Variants in MCCC1 observed in about 807,000 individuals in gnomAD.
MCCC1 encodes methylcrotonyl-CoA carboxylase subunit 1, also known as methylcrotonoyl-CoA carboxylase subunit alpha, mitochondrial.
A neutral mutation model predicts 83.8 loss-of-function variants in MCCC1; 64 were observed. The observed-to-expected ratio is 0.76, with a 90% CI of 0.62 to 0.94. The LOEUF is 0.94. Ranked by LOEUF, MCCC1 falls within the 40% of genes least tolerant of loss-of-function variation. The pLI, the probability that MCCC1 is intolerant of heterozygous loss-of-function variation, is 0.00. For synonymous variants in MCCC1, 322 were observed against 315.4 expected (o/e 1.02, Z -0.22); for missense variants, 807 against 904.7 (o/e 0.89, Z 1.39).
chr3:183,078,227 C>T (rs1717225180), intron 4 of MCCC1, among the ~76,000 whole-genome samples: 1 of 152,112 alleles, frequency 6.6e-6, no homozygotes, highest in African/African-American at 2.4e-5. Flanking sequence ...ACCATGTTGG[C>T]CAGGCTGGTC....
intron 1 of MCCC1, among the ~76,000 whole-genome samples, chr3:183,108,815 G>T (rs1441247644): frequency 6.6e-6 from 1 of 152,154 alleles, no homozygotes; most frequent in Non-Finnish European, 1.5e-5. Flanking sequence ...GTGTAGAACA[G>T]CCCCAGTAGC....
chr3:183,022,635 A>G (rs571330107), intron 15 of MCCC1, 81 bp from the exon 16 acceptor site: 1 of 1,220,276 alleles, frequency 8.2e-7, no homozygotes, highest in South Asian at 1.4e-5. Flanking sequence ...ATTCTTCACT[A>G]TTGGTAGTTT....
Position 183,032,690 on chromosome 3 carries a change from T to C in MCCC1, c.1681+1301A>G, listed in dbSNP as rs539299126. Among the ~76,000 whole-genome samples, 6 of 152,112 alleles carry C rather than the reference T, an allele frequency of 3.9e-5. No individual in the cohort carries two copies. The East Asian group carries it at 7.8e-4, about 20-fold the overall frequency. ...GAGATCGAGACTATCCTGGCTAAAA[T>C]GGTGAAACCCTGTCTCTACTAAAAA... On this transcript the variant is annotated intron_variant, in intron 14 of 18. Transcript: ENST00000265594.
intron 14 of MCCC1, chr3:183,029,228 A>G (rs953405753): frequency 6.6e-6 from 1 of 152,172 alleles, no homozygotes; most frequent in African/African-American, 2.4e-5. Context: ...GTCAAAATCA[A>G]TTTGTCTGCT....
chr3:183,023,274 T>C (rs191424151), intron 15 of MCCC1, among the ~76,000 whole-genome samples: 32 of 152,236 alleles, frequency 2.1e-4, no homozygotes, highest in Non-Finnish European at 3.7e-4. Flanking sequence ...GTCACATGGC[T>C]ATTCTTTTCA....
chr3:183,102,105 C>T (rs535060337), upstream of MCCC1, among the ~76,000 whole-genome samples: 165 of 152,272 alleles, frequency 1.1e-3, no homozygotes, highest in Middle Eastern at 3.4e-3. Context: ...ATTTCGGACA[C>T]GCCATCACTT....
chr3:183,100,799 T>G (rs911866305), upstream of MCCC1, among the ~76,000 whole-genome samples: 4 of 152,290 alleles, frequency 2.6e-5, no homozygotes, highest in South Asian at 2.1e-4. Flanking sequence ...TTTGGTGGCA[T>G]TTGAGGAGCC....
rs1209055867 is a variant in MCCC1 at position 183,064,678 on chromosome 3, C to G, written c.761+6321G>C. 6.6e-6 allele frequency among the ~76,000 whole-genome samples: 1 copy of G among 152,228 alleles called. No individual in the cohort carries two copies. Among genetic ancestry groups the G allele is most frequent in the African/African-American group, 2.4e-5 (1 of 41,470 alleles). ...CCGGCGGCCACACTGCCTCGGCCGA[C>G]CCACGTCCTGGCATGGCTGCTGGGC... On this transcript the variant is annotated intron_variant, in intron 7 of 18. Coordinates refer to ENST00000265594, the MANE Select transcript of MCCC1 (RefSeq NM_020166.5). The surrounding 1 kb of genome is among the most constrained non-coding windows in gnomAD (Gnocchi z 4.5).
intron 16 of MCCC1, among the ~76,000 whole-genome samples, chr3:183,021,024 C>T (rs1712124891): frequency 6.6e-6 from 1 of 152,146 alleles, no homozygotes; most frequent in Non-Finnish European, 1.5e-5. Flanking sequence ...GGCACCACTG[C>T]ACTCCAACCT....
chr3:183,039,220 T>G (rs1202429707), intron 11 of MCCC1, 85 bp from the exon 12 acceptor site: 13 of 1,249,246 alleles, frequency 1.0e-5, no homozygotes, highest in Non-Finnish European at 1.3e-5. Context: ...TTATGTACAT[T>G]TCACGCTTAA....
At chr3:183,113,172 C>A (rs1460103594) in intron 1 of MCCC1, among the ~76,000 whole-genome samples, 2 of 146,830 alleles carry the variant, frequency 1.4e-5, no homozygotes, top group African/African-American at 5.1e-5. Flanking sequence ...TGCAGTGAGC[C>A]GAGATGGCTC....
At chr3:183,027,638 C>A (rs1227579940) in intron 14 of MCCC1, among the ~76,000 whole-genome samples, 3 of 152,068 alleles carry the variant, frequency 2.0e-5, no homozygotes, top group Non-Finnish European at 4.4e-5. Context: ...CAAAGCAAGA[C>A]CCCATCTCTA....
chr3:183,028,396 A>T (rs952366526), intron 14 of MCCC1, among the ~76,000 whole-genome samples: 1 of 152,242 alleles, frequency 6.6e-6, no homozygotes, highest in Non-Finnish European at 1.5e-5. Context: ...ATGCCTGCTA[A>T]GACAACATCC....
Position 183,038,913 on chromosome 3 carries a change from T to C in MCCC1, c.1377+113A>G, listed in dbSNP as rs542131813. 2.1e-4 allele frequency: 202 copies of C among 957,300 alleles called. 6 individuals carry two copies. The highest frequency in any genetic ancestry group is 1.9e-3 in the South Asian group (140 of 73,512). The allele number at this position is 957,300 out of a possible 1,614,324, so 59.3% of individuals were successfully genotyped here. On this transcript the variant is annotated intron_variant, in intron 12 of 18. Coordinates refer to ENST00000265594, the MANE Select transcript of MCCC1 (RefSeq NM_020166.5). ...ATGTGAAACTATTTTGTTTGGGCAA[T>C]TGATGGAAATAGAAAATATGCTGAC...
rs549879216 is a variant in MCCC1, at chr3:183,106,968, A to T, written c.-102+8506T>A. ...CATGATGCCTTTTTTTTTACCTCTA[A>T]CTATGTCACTGCATATTTCCTAAAA... On this transcript the variant is annotated intron_variant, in intron 1 of 17. Transcript: ENST00000492597. 1.6e-4 allele frequency among the ~76,000 whole-genome samples: 25 copies of T among 152,072 alleles called. No homozygotes were observed. In the Middle Eastern group the frequency reaches 0.01, roughly 62 times the overall value.
At chr3:183,102,173 G>C (rs1039065088), upstream of MCCC1, among the ~76,000 whole-genome samples, 1 of 152,054 alleles carries the variant, frequency 6.6e-6, no homozygotes, top group African/African-American at 2.4e-5. Context: ...AGACCAGCCT[G>C]GGCAATATAG....
chr3:183,090,630 C>A (rs1396636734), intron 3 of MCCC1, among the ~76,000 whole-genome samples: 2 of 151,456 alleles, frequency 1.3e-5, no homozygotes, highest in Non-Finnish European at 2.9e-5. Context: ...GCTCTTGTTG[C>A]CCAGGCTGGA....
chr3:183,077,042 A>AT (rs1042603026), intron 4 of MCCC1, among the ~76,000 whole-genome samples: 8 of 152,162 alleles, frequency 5.3e-5, no homozygotes, highest in African/African-American at 1.9e-4. Context: ...AGGTTCATCC[A>AT]TTTTTTGTTT....
chr3:183,101,870 GAAC>G (rs1292311985), upstream of MCCC1, among the ~76,000 whole-genome samples: 1 of 151,798 alleles, frequency 6.6e-6, no homozygotes, highest in African/African-American at 2.4e-5. Flanking sequence ...CGGGAGGAAC[GAAC>G]AACTCCGGAC....
Sources: gnomAD v4.1 joint callset for allele counts (sites outside exome capture counted in the v4.1 genomes callset) on GRCh38, gnomAD v4.1.1 for gene constraint, Gnocchi (gnomAD v3.1) non-coding constraint, MANE v1.5 for transcripts, NCBI Gene and HGNC (gene_info 2026-07-23, HGNC 2026-07-21) for gene names.